The following PIK3AP1 variants were observed in gnomAD, a reference collection of about 807,000 sequenced individuals.
PIK3AP1 encodes the protein phosphoinositide 3-kinase adapter protein 1.
In PIK3AP1, 21 loss-of-function variants were observed where a neutral mutation model predicts 88.1. The ratio of observed to expected loss-of-function variants is 0.24; its 90% CI spans 0.17 to 0.34. The LOEUF (loss-of-function observed/expected upper bound fraction) is 0.34. Ranked by LOEUF, PIK3AP1 falls within the 10% of genes least tolerant of loss-of-function variation. The probability of loss-of-function intolerance (pLI) is 1.00; values close to 1 mark genes in which losing one functional copy is unlikely to be tolerated. For synonymous variants in PIK3AP1, 398 were observed against 400.0 expected, an observed-to-expected ratio of 1.00 and a Z score of 0.06; for missense variants, 828 against 1,035.7, an observed-to-expected ratio of 0.80 and a Z score of 2.75.
chr10:96,714,067 G>A (rs1459799954), intron 1 of PIK3AP1, among the ~76,000 whole-genome samples: 3 of 152,062 alleles, frequency 2.0e-5, no homozygotes, highest in African/African-American at 2.4e-5. Context: ...CCAGCTATTC[G>A]GGAGGCTGAG....
At chr10:96,619,482 G>A (rs370396037) in intron 12 of PIK3AP1, 10 of 152,308 alleles carry the variant, frequency 6.6e-5, no homozygotes, top group African/African-American at 2.4e-4. Context: ...GGGAGGTGGA[G>A]AGAGAAAGCA....
At chr10:96,629,712 T>TCC (rs1843211558) in intron 8 of PIK3AP1, among the ~76,000 whole-genome samples, 1 of 3,972 alleles carries the variant, frequency 2.5e-4, no homozygotes, top group African/African-American at 9.4e-4. Flanking sequence ...ACCCCATCTC[T>TCC]ACAAAAAAAA....
intron 3 of PIK3AP1, among the ~76,000 whole-genome samples, chr10:96,653,447 C>CA (rs1258209350): frequency 4.6e-5 from 6 of 129,960 alleles, no homozygotes; most frequent in Non-Finnish European, 6.6e-5. Context: ...ACAAAACAAA[C>CA]AAAAAAAACC....
intron 2 of PIK3AP1, among the ~76,000 whole-genome samples, chr10:96,681,171 CT>C (rs1438475704): frequency 6.6e-6 from 1 of 152,192 alleles, no homozygotes; most frequent in Non-Finnish European, 1.5e-5. Flanking sequence ...CATAATTTCT[CT>C]TCCGTGTGTG....
intron 1 of PIK3AP1, among the ~76,000 whole-genome samples, chr10:96,714,764 C>A (rs531841904): frequency 2.0e-5 from 3 of 152,196 alleles, no homozygotes; most frequent in Admixed American, 6.5e-5. Context: ...AAGCTGGAAC[C>A]ATTTGAGCAA....
chr10:96,661,343 CTG>C (rs1201949726), intron 2 of PIK3AP1, among the ~76,000 whole-genome samples: 1 of 152,190 alleles, frequency 6.6e-6, no homozygotes, highest in African/African-American at 2.4e-5. Flanking sequence ...TGAAACTACT[CTG>C]TATGATACTA....
rs781209579 is a variant in PIK3AP1 at position 96,673,274 on chromosome 10, G to T, written c.431-16340C>A. ...AAAACCCACCTCTATCCTGGATTCA[G>T]CGTCTCGGGCTGCATCTACCATGCA... On this transcript the variant is annotated intron_variant, in intron 2 of 16. Coordinates refer to ENST00000339364, the MANE Select transcript of PIK3AP1 (RefSeq NM_152309.3). Among the ~76,000 whole-genome samples the T allele has an allele frequency of 7.9e-5, 12 of 152,336 alleles. No homozygotes were observed. The East Asian group carries it at 2.3e-3, about 29-fold the overall frequency.
chr10:96,687,022 C>G (rs913837853), intron 2 of PIK3AP1, among the ~76,000 whole-genome samples: 1 of 151,532 alleles, frequency 6.6e-6, no homozygotes, highest in Non-Finnish European at 1.5e-5. Context: ...CCTTTCAGAC[C>G]GAGGCGGGTG....
At position 96,604,366 on chromosome 10, in the gene PIK3AP1, T is replaced by C. The variant is rs1848964220; in HGVS notation, c.2171-317A>G. Among the ~76,000 whole-genome samples the C allele has an allele frequency of 6.8e-5, 9 of 132,858 alleles. 1 individual carries two copies. The highest frequency in any genetic ancestry group is 6.8e-4 in the Admixed American group (9 of 13,326). The allele number at this position is 132,858 out of a possible 152,430, so 87.2% of individuals were successfully genotyped here. On this transcript the variant is annotated intron_variant, in intron 14 of 16. Transcript: ENST00000339364. ...CCAATTTTTTTTTTTTTTTTTTTTT[T>C]TTTTTTTTTTTTGTAGCAACAGGAT...
At chr10:96,605,586 A>C (rs1848989123) in intron 14 of PIK3AP1, among the ~76,000 whole-genome samples, 1 of 152,208 alleles carries the variant, frequency 6.6e-6, no homozygotes, top group Non-Finnish European at 1.5e-5. Flanking sequence ...TTCCACTTCA[A>C]ATAGCTCCTG....
chr10:96,708,913 T>G (rs1031486330), intron 2 of PIK3AP1, among the ~76,000 whole-genome samples: 3 of 151,916 alleles, frequency 2.0e-5, no homozygotes, highest in Non-Finnish European at 4.4e-5. Context: ...GGTGGATCAT[T>G]TGATATCAGG....
chr10:96,630,362 G>T (rs1055592686), intron 8 of PIK3AP1, among the ~76,000 whole-genome samples: 1 of 152,028 alleles, frequency 6.6e-6, no homozygotes, highest in African/African-American at 2.4e-5. Flanking sequence ...GAAAGTTTAG[G>T]GTAATTGTAC....
At chr10:96,698,815 A>G (rs563006282) in intron 2 of PIK3AP1, among the ~76,000 whole-genome samples, 1 of 152,292 alleles carries the variant, frequency 6.6e-6, no homozygotes, top group Non-Finnish European at 1.5e-5. Flanking sequence ...CTCATTCAAT[A>G]CCTTTGAAAT....
At chr10:96,603,547 T>A in intron 15 of PIK3AP1, among the ~76,000 whole-genome samples, 1 of 152,148 alleles carries the variant, frequency 6.6e-6, no homozygotes, top group East Asian at 1.9e-4. Flanking sequence ...GCTGCATGCT[T>A]CCTGCCCTCA....
At chr10:96,668,718 G>A (rs1183907175) in intron 2 of PIK3AP1, among the ~76,000 whole-genome samples, 2 of 152,200 alleles carry the variant, frequency 1.3e-5, no homozygotes, top group African/African-American at 4.8e-5. Context: ...AAAAAAGACT[G>A]AAGAAGATTC....
At chr10:96,597,035 TCA>T (rs1459845714) in intron 16 of PIK3AP1, among the ~76,000 whole-genome samples, 3 of 152,046 alleles carry the variant, frequency 2.0e-5, no homozygotes, top group Non-Finnish European at 2.9e-5. Flanking sequence ...AAAATAAGAA[TCA>T]CAGACAACCT....
intron 7 of PIK3AP1, among the ~76,000 whole-genome samples, chr10:96,647,728 C>T (rs530288813): frequency 2.6e-5 from 4 of 152,236 alleles, no homozygotes; most frequent in Non-Finnish European, 5.9e-5. Flanking sequence ...ATATCAGGCT[C>T]TGTCCTGTCT....
chr10:96,660,810 A>G (rs1459536871), intron 2 of PIK3AP1, among the ~76,000 whole-genome samples: 4 of 152,142 alleles, frequency 2.6e-5, no homozygotes, highest in Admixed American at 2.0e-4. Flanking sequence ...ACAATACAAT[A>G]CTATTCTGCA....
chr10:96,629,933 G>GAAAAAAAAAAA (rs1843221980), intron 8 of PIK3AP1, among the ~76,000 whole-genome samples: 1 of 37,594 alleles, frequency 2.7e-5, no homozygotes, highest in Non-Finnish European at 6.0e-5. Flanking sequence ...AAAAAAAAAA[G>GAAAAAAAAAAA]AAGAAGAAGA....
Sources: allele counts gnomAD v4.1 joint callset (sites outside exome capture counted in the v4.1 genomes callset), GRCh38; gene constraint gnomAD v4.1.1; transcripts MANE v1.5; gene names NCBI Gene and HGNC (gene_info 2026-07-23, HGNC 2026-07-21).